NDUFAF6: variants seen among roughly 807,000 people sequenced by gnomAD.
NDUFAF6 encodes NADH:ubiquinone oxidoreductase complex assembly factor 6, also known as NADH dehydrogenase (ubiquinone) complex I, assembly factor 6.
NDUFAF6 carries 45 observed loss-of-function variants against 40.8 expected under a neutral mutation model. The ratio of observed to expected loss-of-function variants is 1.10; its 90% CI spans 0.87 to 1.42. NDUFAF6 has a LOEUF of 1.42. Among genes scored for constraint, NDUFAF6 ranks in the 40% most tolerant of loss-of-function variants. NDUFAF6 has a pLI of 0.00. For synonymous variants in NDUFAF6, 185 were observed against 155.9 expected, an observed-to-expected ratio of 1.19 and a Z score of -1.39; for missense variants, 435 against 418.5, an observed-to-expected ratio of 1.04 and a Z score of -0.34.
chr8:94,939,874 GC>G, intron 1 of NDUFAF6: 1 of 1,612,824 alleles, frequency 6.2e-7, no homozygotes, highest in South Asian at 1.1e-5. Flanking sequence ...GACTACTTGG[GC>G]TATGTAATTC....
intron 2 of NDUFAF6, among the ~76,000 whole-genome samples, chr8:94,997,337 CACACACAGAGAGAGAG>C (rs1826489083): frequency 7.4e-6 from 1 of 134,562 alleles, no homozygotes; most frequent in Admixed American, 7.6e-5. Context: ...CACACACACA[CACACACAGAGAGAGAG>C]AGAGAGAGAG....
At chr8:94,957,558 C>T (rs571429011), upstream of NDUFAF6, among the ~76,000 whole-genome samples, 1 of 152,286 alleles carries the variant, frequency 6.6e-6, no homozygotes, top group African/African-American at 2.4e-5. Context: ...AGTGTGACCA[C>T]CTGCAGAGAA....
intron 2 of NDUFAF6, among the ~76,000 whole-genome samples, chr8:94,987,988 A>T (rs985327093): frequency 1.7e-4 from 26 of 152,174 alleles, no homozygotes; most frequent in Non-Finnish European, 1.8e-4. Flanking sequence ...AATAGAGGAG[A>T]GGAATCAGGA....
At chr8:94,962,397 A>G (rs1823649459) in intron 1 of NDUFAF6, among the ~76,000 whole-genome samples, 1 of 152,174 alleles carries the variant, frequency 6.6e-6, no homozygotes, top group African/African-American at 2.4e-5. Flanking sequence ...GATTCAAGCA[A>G]TTCTCGTGCC....
chr8:95,048,821 A>G (rs1831108013), intron 7 of NDUFAF6, among the ~76,000 whole-genome samples: 1 of 151,950 alleles, frequency 6.6e-6, no homozygotes, highest in Non-Finnish European at 1.5e-5. Flanking sequence ...TGCTCCATCC[A>G]CTTCTCTCTT....
intron 9 of NDUFAF6, among the ~76,000 whole-genome samples, chr8:95,065,590 A>G (rs986620859): frequency 6.6e-6 from 1 of 152,196 alleles, no homozygotes; most frequent in African/African-American, 2.4e-5. Flanking sequence ...TAGTGGGAGT[A>G]TGTTCTTTTC....
upstream of NDUFAF6, among the ~76,000 whole-genome samples, chr8:94,953,284 T>G (rs1326950538): frequency 3.3e-5 from 5 of 149,902 alleles, no homozygotes; most frequent in Non-Finnish European, 5.9e-5. Flanking sequence ...GAGGCGGAGG[T>G]TGCATGAGCC....
chr8:95,036,264 A>T (rs2131813245), intron 3 of NDUFAF6: 1 of 1,232,410 alleles, frequency 8.1e-7, no homozygotes, highest in Admixed American at 2.9e-5. Flanking sequence ...GGAATTAGAT[A>T]CCTTTCATCA....
chr8:94,990,947 C>A (rs116696186), intron 2 of NDUFAF6, among the ~76,000 whole-genome samples: 80 of 152,318 alleles, frequency 5.3e-4, no homozygotes, highest in African/African-American at 1.7e-3. Flanking sequence ...ACAGCAGAAG[C>A]CTTATTCGCG....
Position 94,904,674 on chromosome 8 carries a change from TTTTG to T in NDUFAF6, c.-936+8763_-936+8766del, listed in dbSNP as rs747815172. On this transcript the variant is annotated intron_variant, in intron 1 of 14. Coordinates refer to the NDUFAF6 transcript ENST00000396113. ...TCCCTTGTGTTCCTTGTCATTTGTT[TTTTG>T]TTTGTTTGTTTGTTTTTTGCAGTGT... Among the ~76,000 whole-genome samples, 73 of 152,128 alleles carry T rather than the reference TTTTG, an allele frequency of 4.8e-4. 1 individual carries two copies. Among genetic ancestry groups the T allele is most frequent in the African/African-American group, 1.4e-3 (59 of 41,498 alleles).
intron 1 of NDUFAF6, among the ~76,000 whole-genome samples, chr8:94,912,166 G>A (rs1243953744): frequency 6.6e-6 from 1 of 152,194 alleles, no homozygotes; most frequent in East Asian, 1.9e-4. Context: ...AGATAGAGTA[G>A]CTGCCTTTAG....
chr8:94,999,832 T>C (rs1786776794), intron 2 of NDUFAF6, among the ~76,000 whole-genome samples: 1 of 152,230 alleles, frequency 6.6e-6, no homozygotes, highest in African/African-American at 2.4e-5. Flanking sequence ...CTACAGACAC[T>C]AATATTCTAT....
chr8:94,948,008 C>A (rs1162305265), intron 2 of NDUFAF6, among the ~76,000 whole-genome samples: 1 of 152,188 alleles, frequency 6.6e-6, no homozygotes, highest in Non-Finnish European at 1.5e-5. Context: ...GACTTCTGTT[C>A]AGTGACCCCA....
intron 1 of NDUFAF6, among the ~76,000 whole-genome samples, chr8:95,030,651 T>C (rs1175937158): frequency 1.3e-5 from 2 of 152,246 alleles, no homozygotes; most frequent in Non-Finnish European, 2.9e-5. Flanking sequence ...TCTTTACTTT[T>C]TGCTCAAGAA....
chr8:95,073,377 G>A (rs1158261525), intron 9 of NDUFAF6, among the ~76,000 whole-genome samples: 3 of 152,220 alleles, frequency 2.0e-5, no homozygotes, highest in Non-Finnish European at 4.4e-5. Context: ...AGCAAGATGA[G>A]GCCGAGTAGG....
At chr8:94,920,151 GTGTGTA>G (rs1819402849) in intron 1 of NDUFAF6, among the ~76,000 whole-genome samples, 1 of 152,302 alleles carries the variant, frequency 6.6e-6, no homozygotes, top group African/African-American at 2.4e-5. Flanking sequence ...TAGTAAGTGT[GTGTGTA>G]TATCTATACA....
chr8:94,975,069 C>A (rs1449723358), intron 1 of NDUFAF6, among the ~76,000 whole-genome samples: 3 of 152,220 alleles, frequency 2.0e-5, no homozygotes, highest in Admixed American at 2.0e-4. Context: ...CTTGGAGGAG[C>A]CTGAACCAAG....
intron 1 of NDUFAF6, among the ~76,000 whole-genome samples, chr8:94,905,415 C>A (rs1818331181): frequency 6.6e-6 from 1 of 151,838 alleles, no homozygotes; most frequent in Non-Finnish European, 1.5e-5. Context: ...AGGCAGCTTT[C>A]CTTGATTCTC....
chr8:94,932,162 TG>T lies in NDUFAF6; in HGVS notation c.-935-13320del, dbSNP rs971845189. On this transcript the variant is annotated intron_variant, in intron 1 of 14. Coordinates refer to the NDUFAF6 transcript ENST00000396113. The stretch of plus-strand genomic sequence containing the variant: ...TCACTAGTAAGATTTAAAATGCTAT[TG>T]TAACTTTACTATTAGGACGTGGTCA... 24 of 1,566,276 alleles carry T rather than the reference TG, an allele frequency of 1.5e-5. No homozygotes were observed. The African/African-American group carries it at 3.1e-4, about 20-fold the overall frequency.
Sources: allele counts gnomAD v4.1 joint callset (sites outside exome capture counted in the v4.1 genomes callset), GRCh38; gene constraint gnomAD v4.1.1; transcripts MANE v1.5; gene names NCBI Gene and HGNC (gene_info 2026-07-23, HGNC 2026-07-21).